ZNF316: variants seen among roughly 807,000 people sequenced by gnomAD.
ZNF316 encodes zinc finger protein 316.
Under a neutral mutation model 75.6 loss-of-function variants are expected in ZNF316, and 23 were observed. The ratio of observed to expected loss-of-function variants is 0.30; its 90% CI spans 0.22 to 0.43. The LOEUF is 0.43. ZNF316 is among the 20% of genes least tolerant of loss of function. The probability of loss-of-function intolerance (pLI) is 1.00; values close to 1 mark genes in which losing one functional copy is unlikely to be tolerated. For synonymous variants in ZNF316, 827 were observed against 666.2 expected (o/e 1.24, Z -3.72); for missense variants, 1,266 against 1,409.4 (o/e 0.90, Z 1.63).
At chr7:6,648,193 T>C (rs1779443463) in intron 8 of ZNF316, among the ~76,000 whole-genome samples, 1 of 152,014 alleles carries the variant, frequency 6.6e-6, no homozygotes, top group Non-Finnish European at 1.5e-5. Context: ...CAGCCACTGG[T>C]GAGCAGGAGG....
Position 6,654,421 on chromosome 7 carries a change from C to A in ZNF316, c.2825C>A (p.Ala942Glu), listed in dbSNP as rs1356996434. Residue 942 changes from alanine (A) to glutamate (E), a missense_variant, in exon 9 of 9, where the codon GCA becomes GAA. Ala to Glu is a moderately radical substitution (Grantham distance 107). Around this residue, in one of 3 missense-constraint regions of ZNF316, gnomAD observed 111 missense variants for 99.2 expected, o/e 1.12. Coordinates refer to ENST00000382252, the MANE Select transcript of ZNF316 (RefSeq NM_001278559.2). ...ATGAAGACGCACCGCGGAGCCACCG[C>A]AGCGCCGGGCTCGGGTTCGGCCCCA... is the stretch of plus-strand genomic sequence containing the variant. ...THMKTHRGATAAPGSGSAPAP... is the reference protein window; with the variant it reads ...THMKTHRGATEAPGSGSAPAP... 2.5e-6 allele frequency: 3 copies of A among 1,210,086 alleles called. No homozygotes were observed. Among genetic ancestry groups the A allele is most frequent in the Non-Finnish European group, 3.1e-6 (3 of 974,380 alleles). The allele number at this position is 1,210,086 out of a possible 1,614,324, so 75.0% of individuals were successfully genotyped here.
chr7:6,657,225 A>G lies in ZNF316; in HGVS notation c.*2614A>G, dbSNP rs1014634496. Among the ~76,000 whole-genome samples the G allele has an allele frequency of 7.0e-6, 1 of 142,382 alleles. No homozygotes were observed. Among genetic ancestry groups the G allele is most frequent in the African/African-American group, 2.6e-5 (1 of 37,994 alleles). 93.4% of individuals were successfully genotyped at this position (142,382 alleles called of 152,430 possible). A position where few individuals can be genotyped will look rare whatever the true frequency, so the allele number is the denominator to read the frequency against. On this transcript the variant is annotated 3_prime_UTR_variant, in exon 9 of 9. Coordinates refer to ENST00000382252, the MANE Select transcript of ZNF316 (RefSeq NM_001278559.2). ...TGGCCAGGCTGGTCTTGAGCTCCTG[A>G]TCTTGTGATCTGCCTGTCTTGGCCT...
Position 6,637,352 on chromosome 7 carries a change from C to G in ZNF316, c.-526C>G, listed in dbSNP as rs1294476844. 6.7e-6 allele frequency: 1 copy of G among 149,754 alleles called. No homozygotes were observed. The highest frequency in any genetic ancestry group is 1.5e-5 in the Non-Finnish European group (1 of 67,120). 9.3% of individuals were successfully genotyped at this position (149,754 alleles called of 1,614,324 possible). On this transcript the variant is annotated 5_prime_UTR_variant, in exon 1 of 9. Coordinates refer to ENST00000382252, the MANE Select transcript of ZNF316 (RefSeq NM_001278559.2). The surrounding 1 kb of genome is among the most constrained non-coding windows in gnomAD (Gnocchi z 6.2). Reference sequence around the variant, plus strand: ...GCCCACGCGCCGCCGTCGCGCAGCTCCCGGGCCGTCACTTTGTGTAGCGCG... The same window carrying G: ...GCCCACGCGCCGCCGTCGCGCAGCTGCCGGGCCGTCACTTTGTGTAGCGCG...
chr7:6,654,528 T>A lies in ZNF316; in HGVS notation c.2932T>A (p.Phe978Ile). 8.5e-7 allele frequency: 1 copy of A among 1,178,946 alleles called. No homozygotes were observed. Among genetic ancestry groups the A allele is most frequent in the South Asian group, 4.2e-5 (1 of 23,904 alleles). The allele number at this position is 1,178,946 out of a possible 1,614,324, so 73.0% of individuals were successfully genotyped here. ...TGAGCGCGGCAGCGCCCTGCTGGAGTTCGCGGGCGGCACAAGCTTCGGCTC... is the reference window on the plus strand; with the variant it reads ...TGAGCGCGGCAGCGCCCTGCTGGAGATCGCGGGCGGCACAAGCTTCGGCTC... ...PGERGSALLE[F>I]AGGTSFGSEH... The change falls in exon 9 of 9, where the codon TTC becomes ATC. Residue 978 changes from phenylalanine (F) to isoleucine (I), a missense_variant. Coordinates refer to ENST00000382252, the MANE Select transcript of ZNF316 (RefSeq NM_001278559.2).
At position 6,647,048 on chromosome 7, in the gene ZNF316, C is replaced by G. The variant is rs1050965685; in HGVS notation, c.706+2455C>G. On this transcript the variant is annotated intron_variant, in intron 8 of 8. Coordinates refer to ENST00000382252, the MANE Select transcript of ZNF316 (RefSeq NM_001278559.2). ...GGTTGAACCCTGTTTTCTGCCGGCT[C>G]TGGTCTGCACTAGAGCAAGAATGTG... Among the ~76,000 whole-genome samples the G allele has an allele frequency of 1.3e-5, 2 of 152,214 alleles. 1 individual carries two copies. Among genetic ancestry groups the G allele is most frequent in the East Asian group, 3.9e-4 (2 of 5,184 alleles).
rs1043938005 is a variant in ZNF316, at chr7:6,653,290, C to A, written c.1694C>A (p.Thr565Asn). ...GAGGAGGCGGCGGTGGCGGCGCCCA[C>A]CCCCAGCGGCAAGGTGGACCCCGCG... ...EREEAAVAAP[T>N]PSGKVDPAPE... The change falls in exon 9 of 9, where the codon ACC becomes AAC. Residue 565 changes from threonine (T) to asparagine (N), a missense_variant. Transcript: ENST00000382252. The A allele has an allele frequency of 7.3e-6, 9 of 1,227,510 alleles. No individual in the cohort carries two copies. In the African/African-American group the frequency reaches 1.1e-4, roughly 15 times the overall value. 76.0% of individuals were successfully genotyped at this position (1,227,510 alleles called of 1,614,324 possible).
At position 6,652,701 on chromosome 7, in the gene ZNF316, G is replaced by C. The variant is rs1033971559; in HGVS notation, c.1105G>C (p.Ala369Pro). 8.1e-7 allele frequency: 1 copy of C among 1,236,314 alleles called. No homozygotes were observed. The highest frequency in any genetic ancestry group is 1.6e-5 in the African/African-American group (1 of 64,432). The allele number at this position is 1,236,314 out of a possible 1,614,324, so 76.6% of individuals were successfully genotyped here. A position where few individuals can be genotyped will look rare whatever the true frequency, so the allele number is the denominator to read the frequency against. Residue 369 changes from alanine (A) to proline (P), a missense_variant, in exon 9 of 9, where the codon GCC becomes CCC. By Grantham distance (27) the Ala-to-Pro change is conservative. Around this residue, in one of 3 missense-constraint regions of ZNF316, gnomAD observed 961 missense variants for 990.9 expected, o/e 0.97. Transcript: ENST00000382252. ...GGCCAAGCACCAGCGCTACCACGCG[G>C]CCGTCAAGCCCTTCGGCTGCGAGGA... Reference protein sequence around the residue: ...RLAKHQRYHAAVKPFGCEECG... With the variant: ...RLAKHQRYHAPVKPFGCEECG...
chr7:6,648,510 T>G (rs1583444205), intron 8 of ZNF316, among the ~76,000 whole-genome samples: 1 of 152,004 alleles, frequency 6.6e-6, no homozygotes, highest in Non-Finnish European at 1.5e-5. Flanking sequence ...GCAGTGGAGG[T>G]GCTTCTGCAG....
chr7:6,651,657 G>C (rs1414703400), intron 8 of ZNF316, among the ~76,000 whole-genome samples: 1 of 152,094 alleles, frequency 6.6e-6, no homozygotes. Context: ...CAGCTACTTG[G>C]GAGGCTGAGG....
At chr7:6,645,989 A>T (rs1779395134) in intron 8 of ZNF316, among the ~76,000 whole-genome samples, 1 of 82,234 alleles carries the variant, frequency 1.2e-5, no homozygotes, top group African/African-American at 6.3e-5. Flanking sequence ...GTGAGACGCC[A>T]TCTCAAAAAA....
rs1372895161 is a variant in ZNF316 at position 6,637,646 on chromosome 7, C to G, written c.-431+199C>G. 1.3e-5 allele frequency among the ~76,000 whole-genome samples: 2 copies of G among 150,666 alleles called. No homozygotes were observed. The highest frequency in any genetic ancestry group is 3.0e-5 in the Non-Finnish European group (2 of 67,626). On this transcript the variant is annotated intron_variant, in intron 1 of 8. Transcript: ENST00000382252. This position sits in a 1 kb window ranked among gnomAD's most constrained non-coding sequence, Gnocchi z 6.2. ...GGGTAGGGACTTCCGCGGCAGCGCC[C>G]CCGCCTCCCGGACCCCCGTCCGGGC...
rs781503003 is a variant in ZNF316, at chr7:6,639,526, G to A, written c.-167+385G>A. ...CAGGAAAAGGGGAAGAGAGTTCTGGGGATGGGGAATAACACACACACGGCC... is the reference window on the plus strand; with the variant it reads ...CAGGAAAAGGGGAAGAGAGTTCTGGAGATGGGGAATAACACACACACGGCC... On this transcript the variant is annotated intron_variant, in intron 3 of 8. Coordinates refer to ENST00000382252, the MANE Select transcript of ZNF316 (RefSeq NM_001278559.2). The surrounding 1 kb of genome is among the most constrained non-coding windows in gnomAD (Gnocchi z 4.2). 2.0e-5 allele frequency among the ~76,000 whole-genome samples: 3 copies of A among 152,182 alleles called. No homozygotes were observed. The highest frequency in any genetic ancestry group is 2.9e-5 in the Non-Finnish European group (2 of 68,044).
intron 3 of ZNF316, among the ~76,000 whole-genome samples, chr7:6,641,447 G>T (rs904224069): frequency 6.6e-6 from 1 of 152,210 alleles, no homozygotes; most frequent in Non-Finnish European, 1.5e-5. Context: ...CGTGCCCTTG[G>T]GACCCCACAG....
Position 6,637,763 on chromosome 7 carries a change from A to G in ZNF316, c.-430-83A>G, listed in dbSNP as rs914109193. The stretch of plus-strand genomic sequence containing the variant: ...GCGTGACACCTCGGGGTGCCCGCCC[A>G]CGCCTTCTCGGCCGCAGCGGCAGGG... On this transcript the variant is annotated intron_variant, in intron 1 of 8. Coordinates refer to ENST00000382252, the MANE Select transcript of ZNF316 (RefSeq NM_001278559.2). The surrounding 1 kb of genome is among the most constrained non-coding windows in gnomAD (Gnocchi z 6.2). The G allele has an allele frequency of 6.6e-6, 1 of 151,804 alleles. No homozygotes were observed. Among genetic ancestry groups the G allele is most frequent in the Non-Finnish European group, 1.5e-5 (1 of 67,988 alleles). 9.4% of individuals were successfully genotyped at this position (151,804 alleles called of 1,614,324 possible). A position where few individuals can be genotyped will look rare whatever the true frequency, so the allele number is the denominator to read the frequency against.
rs1323030837 is a variant in ZNF316 at position 6,653,762 on chromosome 7, C to A, written c.2166C>A (p.Ala722=). The change falls in exon 9 of 9, where the codon GCC becomes GCA. Residue 722 remains alanine, a synonymous_variant. Transcript: ENST00000382252. ...YHAGERPHRC[A]DCGKSFVYGS... ...CGGGCGAGCGGCCGCATCGCTGCGC[C>A]GACTGCGGCAAGAGCTTCGTGTACG... 1.5e-5 allele frequency: 16 copies of A among 1,092,260 alleles called. No homozygotes were observed. The highest frequency in any genetic ancestry group is 1.7e-5 in the African/African-American group (1 of 58,648). The allele number at this position is 1,092,260 out of a possible 1,614,324, so 67.7% of individuals were successfully genotyped here.
intron 8 of ZNF316, among the ~76,000 whole-genome samples, chr7:6,647,532 G>C (rs28672377): frequency 6.6e-6 from 1 of 152,228 alleles, no homozygotes; most frequent in African/African-American, 2.4e-5. Context: ...TGCACTGGCC[G>C]GGTGAGGGGA....
intron 8 of ZNF316, among the ~76,000 whole-genome samples, chr7:6,649,108 T>C (rs1175265847): frequency 6.6e-6 from 1 of 152,170 alleles, no homozygotes; most frequent in Non-Finnish European, 1.5e-5. Flanking sequence ...GTGAAGGTTC[T>C]TGTGGCCATA....
chr7:6,655,049 G>C lies in ZNF316; in HGVS notation c.*438G>C, dbSNP rs575337128. 1 of 152,662 alleles carries C rather than the reference G, an allele frequency of 6.6e-6. No homozygotes were observed. Among genetic ancestry groups the C allele is most frequent in the South Asian group, 2.1e-4 (1 of 4,834 alleles). The allele number at this position is 152,662 out of a possible 1,614,324, so 9.5% of individuals were successfully genotyped here. A position where few individuals can be genotyped will look rare whatever the true frequency, so the allele number is the denominator to read the frequency against. ...GGGCCAGCGGGATGCCTGGGAGGCC[G>C]GTGGGTTTGGCTGACCACTTCTTCC... On this transcript the variant is annotated 3_prime_UTR_variant, in exon 9 of 9. Transcript: ENST00000382252.
In ZNF316 at chr7:6,642,681, CAGA is replaced by C; in HGVS notation, c.273_275del (p.Glu94del). ...GAGGAGGATGTGAAGGAGGTGCTGG[CAGA>C]GGAGGAGTGTCCGGCGTTGGGGACC... is the stretch of plus-strand genomic sequence containing the variant. On this transcript the variant is annotated inframe_deletion, in exon 5 of 9. Transcript: ENST00000382252. The surrounding 1 kb of genome is among the most constrained non-coding windows in gnomAD (Gnocchi z 8.1). 8 of 1,235,820 alleles carry C rather than the reference CAGA, an allele frequency of 6.5e-6. No individual in the cohort carries two copies. The highest frequency in any genetic ancestry group is 8.1e-6 in the Non-Finnish European group (8 of 990,816). 76.6% of individuals were successfully genotyped at this position (1,235,820 alleles called of 1,614,324 possible). A position where few individuals can be genotyped will look rare whatever the true frequency, so the allele number is the denominator to read the frequency against.
Sources: allele counts gnomAD v4.1 joint callset (sites outside exome capture counted in the v4.1 genomes callset), GRCh38; gene constraint gnomAD v4.1.1; regional missense constraint gnomAD v4.1.1; non-coding constraint Gnocchi (gnomAD v3.1); transcripts MANE v1.5; gene names NCBI Gene and HGNC (gene_info 2026-07-23, HGNC 2026-07-21).